The following MVB12B variants were observed in gnomAD, a reference collection of about 807,000 sequenced individuals.
MVB12B encodes multivesicular body subunit 12B, also known as ESCRT-I complex subunit MVB12B.
MVB12B carries 16 observed loss-of-function variants against 41.6 expected under a neutral mutation model. That is an observed-to-expected ratio of 0.38 (90% CI 0.26 to 0.58). The LOEUF (loss-of-function observed/expected upper bound fraction) is 0.58. Among genes scored for constraint, MVB12B ranks in the 20% least tolerant of loss-of-function variants. The probability of loss-of-function intolerance (pLI) is 0.62; values close to 1 mark genes in which losing one functional copy is unlikely to be tolerated. For missense variants in MVB12B, 274 were observed against 380.2 expected (o/e 0.72, Z 2.32); for synonymous variants, 133 against 139.7 (o/e 0.95, Z 0.34).
intron 7 of MVB12B, among the ~76,000 whole-genome samples, chr9:126,438,169 A>G (rs1832537432): frequency 6.6e-6 from 1 of 152,248 alleles, no homozygotes; most frequent in African/African-American, 2.4e-5. Flanking sequence ...TGGAAAAAGC[A>G]AATGGAAATA....
At chr9:126,410,585 G>C (rs994235986) in intron 6 of MVB12B, among the ~76,000 whole-genome samples, 4 of 152,160 alleles carry the variant, frequency 2.6e-5, no homozygotes, top group Non-Finnish European at 5.9e-5. Context: ...GAAAATTCCA[G>C]GAACAAAGCC....
In MVB12B at chr9:126,468,137, G is replaced by C. The variant is rs1374184194; in HGVS notation, c.758-13232G>C. Reference sequence around the variant, plus strand: ...TCTTCCCATTGTTTTTGCCAGCTTGGAACGTTAACATTCCTCAGCTCTGTC... The same window carrying C: ...TCTTCCCATTGTTTTTGCCAGCTTGCAACGTTAACATTCCTCAGCTCTGTC... On this transcript the variant is annotated intron_variant, in intron 7 of 9. Transcript: ENST00000361171. This position sits in a 1 kb window ranked among gnomAD's most constrained non-coding sequence, Gnocchi z 4.3. Among the ~76,000 whole-genome samples, 1 of 151,696 alleles carries C rather than the reference G, an allele frequency of 6.6e-6. No homozygotes were observed. Among genetic ancestry groups the C allele is most frequent in the Non-Finnish European group, 1.5e-5 (1 of 67,906 alleles).
At chr9:126,421,812 T>A in intron 6 of MVB12B, 42 bp from the exon 7 acceptor site, 1 of 1,474,024 alleles carries the variant, frequency 6.8e-7, no homozygotes, top group Non-Finnish European at 9.5e-7. Context: ...TCTTGGGGAA[T>A]GCTCCTTGTA....
intron 3 of MVB12B, among the ~76,000 whole-genome samples, chr9:126,384,833 GA>G (rs1830730385): frequency 1.0e-5 from 1 of 97,166 alleles, no homozygotes; most frequent in Non-Finnish European, 1.9e-5. Flanking sequence ...ATGCCTGGCA[GA>G]TTTTTTTTTT....
intron 2 of MVB12B, among the ~76,000 whole-genome samples, chr9:126,346,693 G>A (rs769674490): frequency 7.2e-5 from 11 of 152,204 alleles, no homozygotes; most frequent in Admixed American, 2.6e-4. Flanking sequence ...CTCCACTACC[G>A]TGGAGGGTCA....
chr9:126,397,172 C>T, intron 6 of MVB12B: 1 of 985,524 alleles, frequency 1.0e-6, no homozygotes, highest in Non-Finnish European at 1.2e-6. Flanking sequence ...GAAGTTGTTA[C>T]AGCTGCTCCC....
intron 7 of MVB12B, among the ~76,000 whole-genome samples, chr9:126,439,321 C>T (rs571578962): frequency 6.6e-5 from 10 of 151,872 alleles, no homozygotes; most frequent in South Asian, 2.1e-4. Context: ...GGGGTGGGGG[C>T]GCTGGGCGCA....
At chr9:126,454,374 A>G (rs920928777) in intron 7 of MVB12B, among the ~76,000 whole-genome samples, 12 of 152,116 alleles carry the variant, frequency 7.9e-5, no homozygotes, top group African/African-American at 2.9e-4. Flanking sequence ...CCCCTAATTC[A>G]TTTGTGTTCA....
In MVB12B at chr9:126,367,251, C is replaced by T. The variant is rs1357868681; in HGVS notation, c.205-13813C>T. ...TCCTGCCCGGGGCTCTCCAGCCACG[C>T]TCCCCCTCTTGCTCCCTAGGATGGG... On this transcript the variant is annotated intron_variant, in intron 2 of 9. Transcript: ENST00000361171. This position sits in a 1 kb window ranked among gnomAD's most constrained non-coding sequence, Gnocchi z 4.3. Among the ~76,000 whole-genome samples the T allele has an allele frequency of 7.2e-5, 11 of 152,156 alleles. No homozygotes were observed. The highest frequency in any genetic ancestry group is 1.9e-4 in the African/African-American group (8 of 41,438).
chr9:126,474,192 G>A (rs906729946), intron 7 of MVB12B, among the ~76,000 whole-genome samples: 2 of 152,218 alleles, frequency 1.3e-5, no homozygotes, highest in African/African-American at 4.8e-5. Context: ...TGTGTGTCTC[G>A]TTCCCAGCTC....
intron 6 of MVB12B, among the ~76,000 whole-genome samples, chr9:126,407,845 A>G (rs1831491540): frequency 1.3e-5 from 2 of 152,232 alleles, no homozygotes; most frequent in Non-Finnish European, 2.9e-5. Context: ...TTTCTCATCA[A>G]ACTTTTGGAG....
chr9:126,442,039 G>A (rs540662830), intron 7 of MVB12B, among the ~76,000 whole-genome samples: 2 of 152,276 alleles, frequency 1.3e-5, no homozygotes, highest in African/African-American at 4.8e-5. Context: ...GAAATAGCTA[G>A]CCCATAATCA....
chr9:126,331,658 G>A lies in MVB12B; in HGVS notation c.81+4648G>A, dbSNP rs1182258666. 3.9e-5 allele frequency among the ~76,000 whole-genome samples: 6 copies of A among 152,250 alleles called. 1 individual carries two copies. In the South Asian group the frequency reaches 6.2e-4, roughly 16 times the overall value. On this transcript the variant is annotated intron_variant, in intron 1 of 9. Coordinates refer to ENST00000361171, the MANE Select transcript of MVB12B (RefSeq NM_033446.3). ...TAGAAACAATATTATTTGCTATTCC[G>A]GTTTTATAGGGATGGAAACTCAGGC...
In MVB12B at chr9:126,395,851, C is replaced by A; in HGVS notation, c.662+154C>A. The A allele has an allele frequency of 7.0e-7, 1 of 1,438,698 alleles. No homozygotes were observed. The allele number at this position is 1,438,698 out of a possible 1,614,324, so 89.1% of individuals were successfully genotyped here. On this transcript the variant is annotated intron_variant, in intron 6 of 9. Coordinates refer to ENST00000361171, the MANE Select transcript of MVB12B (RefSeq NM_033446.3). This position sits in a 1 kb window ranked among gnomAD's most constrained non-coding sequence, Gnocchi z 4.9. ...ATCTTTAGAGGAGATTTTTAAAAAT[C>A]CACTTGGAAATCTTTGCATTACATG...
intron 7 of MVB12B, among the ~76,000 whole-genome samples, chr9:126,424,493 A>G (rs1240630126): frequency 6.6e-6 from 1 of 152,306 alleles, no homozygotes; most frequent in East Asian, 1.9e-4. Context: ...TGGGCCAGGT[A>G]GTCATCCTGA....
At chr9:126,426,203 A>G (rs1002724164) in intron 7 of MVB12B, among the ~76,000 whole-genome samples, 8 of 152,184 alleles carry the variant, frequency 5.3e-5, no homozygotes, top group African/African-American at 1.9e-4. Context: ...TACAGAAAAC[A>G]TTTGCCAACC....
chr9:126,410,038 G>A (rs184836603), intron 6 of MVB12B, among the ~76,000 whole-genome samples: 65 of 152,226 alleles, frequency 4.3e-4, no homozygotes, highest in Middle Eastern at 3.4e-3. Flanking sequence ...CAAGCTGCAC[G>A]TACTTTATGC....
chr9:126,466,449 A>T (rs1421529121), intron 7 of MVB12B, among the ~76,000 whole-genome samples: 1 of 152,208 alleles, frequency 6.6e-6, no homozygotes. Context: ...TCAAGGGGTG[A>T]AGAAATAGAT....
At chr9:126,465,580 C>T (rs993471476) in intron 7 of MVB12B, among the ~76,000 whole-genome samples, 4 of 151,010 alleles carry the variant, frequency 2.6e-5, no homozygotes, top group Non-Finnish European at 4.4e-5. Flanking sequence ...TCTTTGGATG[C>T]CATTATATGT....
Sources: gnomAD v4.1 joint callset for allele counts (sites outside exome capture counted in the v4.1 genomes callset) on GRCh38, gnomAD v4.1.1 for gene constraint, Gnocchi (gnomAD v3.1) non-coding constraint, MANE v1.5 for transcripts, NCBI Gene and HGNC (gene_info 2026-07-23, HGNC 2026-07-21) for gene names.